Variants in BDNF observed in about 807,000 individuals in gnomAD.
BDNF encodes brain derived neurotrophic factor, also known as neurotrophic factor BDNF precursor form.
A neutral mutation model predicts 19.5 loss-of-function variants in BDNF; 1 was observed. The ratio of observed to expected loss-of-function variants is 0.05; its 90% CI spans 0.02 to 0.24. The LOEUF (loss-of-function observed/expected upper bound fraction) is 0.24. Among genes scored for constraint, BDNF ranks in the 10% least tolerant of loss-of-function variants. The pLI is 1.00. For synonymous variants in BDNF, 100 were observed against 121.6 expected (o/e 0.82, Z 1.17); for missense variants, 195 against 317.6 (o/e 0.61, Z 2.93).
intron 1 of BDNF, among the ~76,000 whole-genome samples, chr11:27,678,928 C>A (rs1299980633): frequency 6.6e-6 from 1 of 152,174 alleles, no homozygotes; most frequent in Non-Finnish European, 1.5e-5. Flanking sequence ...CAAGACTTCC[C>A]TTCCTCACCC....
intron 1 of BDNF, among the ~76,000 whole-genome samples, chr11:27,679,513 G>A (rs1311496722): frequency 1.3e-5 from 2 of 152,106 alleles, no homozygotes; most frequent in African/African-American, 4.8e-5. Context: ...AATTAACTTG[G>A]TAACTCAATA....
At chr11:27,695,043 T>A (rs1448318733) in intron 1 of BDNF, among the ~76,000 whole-genome samples, 1 of 152,116 alleles carries the variant, frequency 6.6e-6, no homozygotes, top group African/African-American at 2.4e-5. Context: ...TGTTTTAAAA[T>A]TTCATCTGTA....
At chr11:27,676,586 T>C (rs1856144993) in intron 1 of BDNF, among the ~76,000 whole-genome samples, 1 of 152,222 alleles carries the variant, frequency 6.6e-6, no homozygotes, top group Admixed American at 6.5e-5. Context: ...ATTTGCCTAA[T>C]GCAGGAAACC....
intron 1 of BDNF, among the ~76,000 whole-genome samples, chr11:27,688,112 A>G (rs1857733368): frequency 6.6e-6 from 1 of 152,174 alleles, no homozygotes; most frequent in Non-Finnish European, 1.5e-5. Context: ...CTGCCCAGAG[A>G]GGGAGAATCT....
intron 1 of BDNF, among the ~76,000 whole-genome samples, chr11:27,686,167 T>C (rs1019663914): frequency 2.0e-5 from 3 of 152,180 alleles, no homozygotes; most frequent in Non-Finnish European, 4.4e-5. Flanking sequence ...CTTTGTCTCT[T>C]TTGATCTTTG....
chr11:27,699,522 G>T, intron 1 of BDNF: 4 of 1,608,778 alleles, frequency 2.5e-6, no homozygotes, highest in Non-Finnish European at 3.4e-6. Context: ...GATGGGTAGA[G>T]ATGTGGGTTC....
chr11:27,679,914 C>A (rs1421233385), intron 1 of BDNF, among the ~76,000 whole-genome samples: 3 of 152,098 alleles, frequency 2.0e-5, no homozygotes, highest in Non-Finnish European at 2.9e-5. Context: ...CATGAGAAAA[C>A]ATTTTTTAAA....
At chr11:27,681,249 A>T (rs1856797580) in intron 1 of BDNF, among the ~76,000 whole-genome samples, 1 of 152,218 alleles carries the variant, frequency 6.6e-6, no homozygotes, top group Non-Finnish European at 1.5e-5. Context: ...CATCAGGTCC[A>T]GGAACACAGG....
chr11:27,701,697 T>A (rs1859907159), upstream of BDNF: 1 of 818,242 alleles, frequency 1.2e-6, no homozygotes, highest in East Asian at 1.2e-4. Context: ...CTCCGCTGCC[T>A]CGAAATAGAC....
At chr11:27,665,147 T>A (rs983341932) in intron 1 of BDNF, 5 of 152,240 alleles carry the variant, frequency 3.3e-5, no homozygotes, top group African/African-American at 1.2e-4. Context: ...GAAGTTTAGA[T>A]TTGACAATGT....
intron 1 of BDNF, chr11:27,674,251 T>G: frequency 6.3e-7 from 1 of 1,581,248 alleles, no homozygotes; most frequent in Non-Finnish European, 8.6e-7. Flanking sequence ...ATTAACCTTG[T>G]GCACTCATGG....
At chr11:27,689,607 G>A (rs1192592705) in intron 1 of BDNF, among the ~76,000 whole-genome samples, 1 of 152,332 alleles carries the variant, frequency 6.6e-6, no homozygotes, top group East Asian at 1.9e-4. Context: ...ATGGAACAGT[G>A]ACAGTGAAGG....
chr11:27,697,143 G>A (rs1167149758), intron 1 of BDNF, among the ~76,000 whole-genome samples: 5 of 141,094 alleles, frequency 3.5e-5, no homozygotes, highest in Non-Finnish European at 7.6e-5. Flanking sequence ...GCACGTGCAC[G>A]CACACACACA....
intron 1 of BDNF, among the ~76,000 whole-genome samples, chr11:27,682,453 G>A (rs1856965162): frequency 6.6e-6 from 1 of 151,482 alleles, no homozygotes; most frequent in South Asian, 2.1e-4. Flanking sequence ...TACATGTGCA[G>A]AACGTGCAGG....
At chr11:27,673,940 C>A in intron 1 of BDNF, 1 of 1,197,322 alleles carries the variant, frequency 8.4e-7, no homozygotes, top group Non-Finnish European at 1.1e-6. Flanking sequence ...ATGGAAGAAA[C>A]TGGAAAGGTA....
At chr11:27,661,266 G>A (rs1853399978) in intron 1 of BDNF, among the ~76,000 whole-genome samples, 1 of 152,138 alleles carries the variant, frequency 6.6e-6, no homozygotes, top group African/African-American at 2.4e-5. Flanking sequence ...AAGTTAAGTG[G>A]GTGCAACACC....
At chr11:27,665,500 G>A (rs1854152330) in intron 1 of BDNF, 1 of 152,358 alleles carries the variant, frequency 6.6e-6, no homozygotes, top group Non-Finnish European at 1.5e-5. Context: ...AAGGGGTTGG[G>A]GAATTCCCTT....
At chr11:27,709,558 A>G (rs148635970) in intron 1 of BDNF, among the ~76,000 whole-genome samples, 99 of 152,296 alleles carry the variant, frequency 6.5e-4, no homozygotes, top group African/African-American at 2.2e-3. Flanking sequence ...TGATGTGACT[A>G]TTAGGAAACA....
intron 1 of BDNF, chr11:27,721,390 T>C (rs754151294): frequency 9.9e-6 from 16 of 1,613,846 alleles, no homozygotes; most frequent in Middle Eastern, 1.6e-4. Context: ...TCAATTATAA[T>C]GCAGGTTTTA....
Sources: allele counts gnomAD v4.1 joint callset (sites outside exome capture counted in the v4.1 genomes callset), GRCh38; gene constraint gnomAD v4.1.1; transcripts MANE v1.5; gene names NCBI Gene and HGNC (gene_info 2026-07-23, HGNC 2026-07-21).